Variants in PSMD14 observed in about 807,000 individuals in gnomAD.
PSMD14 encodes proteasome 26S subunit, non-ATPase 14.
A neutral mutation model predicts 41.2 loss-of-function variants in PSMD14; 7 were observed. The observed-to-expected ratio is 0.17, with a 90% CI of 0.10 to 0.32. The LOEUF is 0.32. Ranked by LOEUF, PSMD14 falls within the 10% of genes least tolerant of loss-of-function variation. The probability of loss-of-function intolerance (pLI) is 1.00; values close to 1 mark genes in which losing one functional copy is unlikely to be tolerated. For synonymous variants in PSMD14, 114 were observed against 122.3 expected (o/e 0.93, Z 0.45); for missense variants, 139 against 375.6 (o/e 0.37, Z 5.21).
chr2:161,326,273 C>T (rs554123785), intron 3 of PSMD14, among the ~76,000 whole-genome samples: 52 of 152,196 alleles, frequency 3.4e-4, no homozygotes, highest in African/African-American at 1.1e-3. Flanking sequence ...TCAATTGATC[C>T]GCCCACCTCG....
chr2:161,384,042 A>G (rs1004101477), intron 7 of PSMD14: 3 of 151,698 alleles, frequency 2.0e-5, no homozygotes, highest in African/African-American at 7.2e-5. Context: ...ATATATAAAC[A>G]TGAAAGTTAA....
intron 9 of PSMD14, among the ~76,000 whole-genome samples, chr2:161,392,403 G>A (rs924734355): frequency 6.6e-6 from 1 of 152,130 alleles, no homozygotes; most frequent in African/African-American, 2.4e-5. Context: ...GTCTTAGAAG[G>A]GGATTCTGGT....
intron 10 of PSMD14, among the ~76,000 whole-genome samples, chr2:161,400,461 A>G (rs1683860218): frequency 6.6e-6 from 1 of 152,206 alleles, no homozygotes; most frequent in African/African-American, 2.4e-5. Context: ...AGGGCCACTT[A>G]TACATGGATT....
At chr2:161,372,025 T>C (rs1683442233) in intron 7 of PSMD14, among the ~76,000 whole-genome samples, 1 of 151,760 alleles carries the variant, frequency 6.6e-6, no homozygotes, top group South Asian at 2.1e-4. Flanking sequence ...ATTTCCTGCC[T>C]CATGACAGCA....
At chr2:161,338,085 A>G (rs1358264374) in intron 3 of PSMD14, among the ~76,000 whole-genome samples, 3 of 152,230 alleles carry the variant, frequency 2.0e-5, no homozygotes, top group Non-Finnish European at 2.9e-5. Context: ...CTAGTACTCA[A>G]TAAGTAATTT....
chr2:161,403,388 C>T (rs753091352), intron 10 of PSMD14, among the ~76,000 whole-genome samples: 4 of 152,050 alleles, frequency 2.6e-5, no homozygotes, highest in Non-Finnish European at 5.9e-5. Context: ...GGGACTTGGG[C>T]AAGGCAGGAA....
intron 9 of PSMD14, among the ~76,000 whole-genome samples, 169 bp from the exon 10 acceptor site, chr2:161,394,909 A>C (rs1683770053): frequency 1.3e-5 from 2 of 152,294 alleles, no homozygotes; most frequent in Admixed American, 1.3e-4. Flanking sequence ...GTACTCCTTA[A>C]GTTATATTAA....
At chr2:161,380,820 T>C (rs1324993073) in intron 7 of PSMD14, among the ~76,000 whole-genome samples, 1 of 151,980 alleles carries the variant, frequency 6.6e-6, no homozygotes, top group Non-Finnish European at 1.5e-5. Context: ...ATAAGATGTT[T>C]TTCTCTTATA....
intron 3 of PSMD14, among the ~76,000 whole-genome samples, chr2:161,345,629 C>T (rs1683030760): frequency 6.6e-6 from 1 of 151,934 alleles, no homozygotes; most frequent in Non-Finnish European, 1.5e-5. Context: ...TTATGATATT[C>T]ATTGATGTAG....
At chr2:161,400,719 A>G (rs1474767010) in intron 10 of PSMD14, among the ~76,000 whole-genome samples, 1 of 151,914 alleles carries the variant, frequency 6.6e-6, no homozygotes, top group African/African-American at 2.4e-5. Flanking sequence ...ATGCCTGGCT[A>G]ATTTTTTGTA....
chr2:161,396,232 G>A (rs1056144088), intron 10 of PSMD14, among the ~76,000 whole-genome samples: 1 of 152,178 alleles, frequency 6.6e-6, no homozygotes, highest in African/African-American at 2.4e-5. Context: ...GCAAGGGCTA[G>A]GAGATAGAAA....
Position 161,308,597 on chromosome 2 carries a change from G to C in PSMD14, c.-145G>C, listed in dbSNP as rs997455819. The C allele has an allele frequency of 2.6e-5, 4 of 152,334 alleles. No homozygotes were observed. Among genetic ancestry groups the C allele is most frequent in the African/African-American group, 7.2e-5 (3 of 41,458 alleles). The allele number at this position is 152,334 out of a possible 1,614,324, so 9.4% of individuals were successfully genotyped here. A position where few individuals can be genotyped will look rare whatever the true frequency, so the allele number is the denominator to read the frequency against. Reference sequence around the variant, plus strand: ...ATATCGCGGCATCCGGCTCCCGCCCGTCTTCAGGTAAGACCCAGAAGGCAG... The same window carrying C: ...ATATCGCGGCATCCGGCTCCCGCCCCTCTTCAGGTAAGACCCAGAAGGCAG... On this transcript the variant is annotated 5_prime_UTR_variant, in exon 1 of 12. Coordinates refer to ENST00000409682, the MANE Select transcript of PSMD14 (RefSeq NM_005805.6).
chr2:161,391,389 G>A (rs972718214), intron 9 of PSMD14, among the ~76,000 whole-genome samples: 35 of 151,992 alleles, frequency 2.3e-4, no homozygotes, highest in Non-Finnish European at 8.8e-5. Flanking sequence ...TGCTGAAGTG[G>A]GAGAGGAAGT....
intron 7 of PSMD14, chr2:161,382,042 A>G (rs1256953588): frequency 2.0e-5 from 3 of 151,772 alleles, no homozygotes; most frequent in African/African-American, 4.8e-5. Context: ...CTTGGCTGTT[A>G]TATCACAGTT....
chr2:161,363,794 G>T (rs1235054114), intron 3 of PSMD14, among the ~76,000 whole-genome samples: 2 of 152,222 alleles, frequency 1.3e-5, no homozygotes, highest in East Asian at 3.9e-4. Flanking sequence ...ACCTCTAGGG[G>T]AGCATACAGA....
chr2:161,309,375 T>C (rs760706739), intron 1 of PSMD14, among the ~76,000 whole-genome samples: 13 of 152,168 alleles, frequency 8.5e-5, no homozygotes, highest in Non-Finnish European at 1.5e-4. Context: ...TATAAGTTGA[T>C]AAAATATTAT....
At chr2:161,400,307 C>T (rs1459374903) in intron 10 of PSMD14, among the ~76,000 whole-genome samples, 6 of 152,058 alleles carry the variant, frequency 3.9e-5, no homozygotes, top group Non-Finnish European at 8.8e-5. Context: ...TAGCTTCAGC[C>T]ATCTCATCTG....
At chr2:161,321,243 C>T (rs913768307) in intron 3 of PSMD14, among the ~76,000 whole-genome samples, 8 of 152,020 alleles carry the variant, frequency 5.3e-5, no homozygotes, top group African/African-American at 1.9e-4. Flanking sequence ...TGTAGATGGC[C>T]CTCTTAAAAT....
At chr2:161,337,992 A>G (rs1356397983) in intron 3 of PSMD14, among the ~76,000 whole-genome samples, 1 of 152,236 alleles carries the variant, frequency 6.6e-6, no homozygotes, top group African/African-American at 2.4e-5. Flanking sequence ...AAAAATCTAA[A>G]AACATTTTGT....
Sources: allele counts gnomAD v4.1 joint callset (sites outside exome capture counted in the v4.1 genomes callset), GRCh38; gene constraint gnomAD v4.1.1; transcripts MANE v1.5; gene names NCBI Gene and HGNC (gene_info 2026-07-23, HGNC 2026-07-21).